LRP1: variants seen among roughly 807,000 people sequenced by gnomAD.
LRP1 encodes LDL receptor related protein 1.
A neutral mutation model predicts 541.5 loss-of-function variants in LRP1; 51 were observed. The ratio of observed to expected loss-of-function variants is 0.09; its 90% confidence interval spans 0.08 to 0.12. The LOEUF (loss-of-function observed/expected upper bound fraction) is 0.12. Among genes scored for constraint, LRP1 ranks in the 10% least tolerant of loss-of-function variants. The pLI, the probability that LRP1 is intolerant of heterozygous loss-of-function variation, is 1.00. For synonymous variants in LRP1, 2,219 were observed against 2,470.8 expected (o/e 0.90, Z 3.02); for missense variants, 3,878 against 6,376.2 (o/e 0.61, Z 13.34).
chr12:57,128,841 A>G lies in LRP1; in HGVS notation c.-124A>G. On this transcript the variant is annotated 5_prime_UTR_variant, in exon 1 of 89. Coordinates refer to ENST00000243077, the MANE Select transcript of LRP1 (RefSeq NM_002332.3). ...CCCCTGGTGCGCTTTGCCGAAGGAA[A>G]GAATAAGAACAGAGAAGGAGGAGGG... 3 of 816,238 alleles carry G rather than the reference A, an allele frequency of 3.7e-6. No individual in the cohort carries two copies. The highest frequency in any genetic ancestry group is 5.7e-6 in the Non-Finnish European group (3 of 530,854). The allele number at this position is 816,238 out of a possible 1,614,324, so 50.6% of individuals were successfully genotyped here. A position where few individuals can be genotyped will look rare whatever the true frequency, so the allele number is the denominator to read the frequency against.
rs1177867009 is a variant in LRP1, at chr12:57,158,784, G to C, written c.1798+146G>C. ...ATGGAGATGAGGGGATAGACAGATT[G>C]ACCCCTGTGTGACCCCCTTCTTGGC... is the stretch of plus-strand genomic sequence containing the variant. On this transcript the variant is annotated intron_variant, in intron 11 of 88. Transcript: ENST00000243077. This position sits in a 1 kb window ranked among gnomAD's most constrained non-coding sequence, Gnocchi z 5.3. 1 of 773,056 alleles carries C rather than the reference G, an allele frequency of 1.3e-6. No individual in the cohort carries two copies. Among genetic ancestry groups the C allele is most frequent in the Non-Finnish European group, 2.1e-6 (1 of 470,964 alleles). The allele number at this position is 773,056 out of a possible 1,614,324, so 47.9% of individuals were successfully genotyped here.
chr12:57,157,046 C>T, intron 10 of LRP1, 126 bp downstream of exon 10: 1 of 1,206,030 alleles, frequency 8.3e-7, no homozygotes, highest in East Asian at 2.6e-5. Flanking sequence ...CAGAGTGTAC[C>T]TGCTAGTGAG....
Position 57,185,819 on chromosome 12 carries a change from C to T in LRP1, c.6752C>T (p.Thr2251Ile). ...TACCGGGCAGGCACCTCTCCGGGCACCCCCAATCGCATCTTCTTCAGCGAC... is the reference window on the plus strand; with the variant it reads ...TACCGGGCAGGCACCTCTCCGGGCATCCCCAATCGCATCTTCTTCAGCGAC... ...FDYRAGTSPG[T>I]PNRIFFSDIH... Residue 2251 changes from threonine to isoleucine, a missense_variant, in exon 41 of 89, where the codon ACC becomes ATC. Physicochemically the swap from Thr to Ile is moderately conservative, Grantham distance 89 (BLOSUM62 -1). This residue lies in a region of LRP1 where 1,100 missense variants were observed against 1,827.4 expected (regional missense o/e 0.60). Coordinates refer to ENST00000243077, the MANE Select transcript of LRP1 (RefSeq NM_002332.3). The surrounding 1 kb of genome is among the most constrained non-coding windows in gnomAD (Gnocchi z 4.9). 6.2e-7 allele frequency: 1 copy of T among 1,614,158 alleles called. No individual in the cohort carries two copies. The highest frequency in any genetic ancestry group is 1.1e-5 in the South Asian group (1 of 91,074).
At chr12:57,194,957 A>G (rs2036497937) in intron 50 of LRP1, 28 bp from the exon 51 acceptor site, 2 of 1,582,066 alleles carry the variant, frequency 1.3e-6, no homozygotes, top group South Asian at 1.1e-5. Context: ...ACCCTTCCCC[A>G]TCTAACTGTG....
chr12:57,155,795 G>GT (rs2035606421), intron 8 of LRP1, among the ~76,000 whole-genome samples: 1 of 151,950 alleles, frequency 6.6e-6, no homozygotes, highest in South Asian at 2.1e-4. Flanking sequence ...CACAAAATTT[G>GT]TTTTAATTAG....
chr12:57,199,817 T>A, intron 61 of LRP1, 60 bp from the exon 62 acceptor site: 1 of 1,535,396 alleles, frequency 6.5e-7, no homozygotes, highest in Non-Finnish European at 8.8e-7. Flanking sequence ...ATAGAGTGAG[T>A]GAGGCAGCCT....
chr12:57,188,298 A>AT (rs1466330975), intron 42 of LRP1, among the ~76,000 whole-genome samples: 7 of 152,114 alleles, frequency 4.6e-5, no homozygotes, highest in Admixed American at 1.3e-4. Context: ...TGTTAGCAAC[A>AT]TTTTTTTCCC....
At position 57,162,514 on chromosome 12, in the gene LRP1, G is replaced by A; in HGVS notation, c.2400G>A (p.Gln800=). The A allele has an allele frequency of 1.2e-6, 2 of 1,613,736 alleles. No individual in the cohort carries two copies. The part of the protein sequence containing the change: ...FEIRMYDAQQ[Q]QVGTNKCRVN... ...TCCGAATGTATGATGCCCAGCAGCA[G>A]CAAGGTACCTCCTTGGGGCTGGGGG... The change falls in exon 14 of 89, where the codon CAG becomes CAA. Residue 800 remains glutamine (Q), a synonymous_variant. Transcript: ENST00000243077. This position sits in a 1 kb window ranked among gnomAD's most constrained non-coding sequence, Gnocchi z 5.2.
intron 76 of LRP1, 52 bp from the exon 77 acceptor site, chr12:57,207,985 GA>G: frequency 1.3e-6 from 2 of 1,586,754 alleles, no homozygotes; most frequent in Admixed American, 3.4e-5. Context: ...GTGGCGGGGG[GA>G]TAATGGCAGG....
In LRP1 at chr12:57,204,278, G is replaced by C; in HGVS notation, c.10952-132G>C. 1.8e-6 allele frequency: 2 copies of C among 1,111,510 alleles called. No homozygotes were observed. The highest frequency in any genetic ancestry group is 2.5e-6 in the Non-Finnish European group (2 of 808,266). 68.9% of individuals were successfully genotyped at this position (1,111,510 alleles called of 1,614,324 possible). A position where few individuals can be genotyped will look rare whatever the true frequency, so the allele number is the denominator to read the frequency against. ...TTGGCCCCACCAAGTAGAAATTTAA[G>C]AGACCTGGTTCCAATTTGGCTGTGC... On this transcript the variant is annotated intron_variant, in intron 70 of 88. Transcript: ENST00000243077. This position sits in a 1 kb window ranked among gnomAD's most constrained non-coding sequence, Gnocchi z 5.3.
chr12:57,165,548 C>T lies in LRP1; in HGVS notation c.2531-257C>T. 1 of 436,870 alleles carries T rather than the reference C, an allele frequency of 2.3e-6. No individual in the cohort carries two copies. Among genetic ancestry groups the T allele is most frequent in the Non-Finnish European group, 4.2e-6 (1 of 240,340 alleles). The allele number at this position is 436,870 out of a possible 1,614,324, so 27.1% of individuals were successfully genotyped here. A position where few individuals can be genotyped will look rare whatever the true frequency, so the allele number is the denominator to read the frequency against. On this transcript the variant is annotated intron_variant, in intron 15 of 88. Transcript: ENST00000243077. The surrounding 1 kb of genome is among the most constrained non-coding windows in gnomAD (Gnocchi z 4.5). ...GTGACAGAGGTATAGAGGCCATGGG[C>T]TCTCTTGGACACCATTTGATTCTCA... is the stretch of plus-strand genomic sequence containing the variant.
At chr12:57,200,908 G>A (rs1375861680) in intron 64 of LRP1, 93 bp downstream of exon 64, 17 of 1,436,034 alleles carry the variant, frequency 1.2e-5, no homozygotes, top group South Asian at 2.3e-5. Flanking sequence ...TGCAGCCCAC[G>A]GCAGCTTGCT....
chr12:57,141,177 C>T (rs1377796275), intron 2 of LRP1, among the ~76,000 whole-genome samples, 197 bp from the exon 3 acceptor site: 1 of 152,180 alleles, frequency 6.6e-6, no homozygotes, highest in African/African-American at 2.4e-5. Context: ...CTAGTTTCTA[C>T]CTCCACCTGT....
In LRP1 at chr12:57,205,172, G is replaced by A. The variant is rs774593658; in HGVS notation, c.11258G>A (p.Arg3753His). ...DKKEFLCRNQ[R>H]CLSSSLRCNM... ...AAGGAGTTTCTGTGCCGGAACCAGC[G>A]CTGCCTCTCCTCCTCCCTGCGCTGC... The change falls in exon 73 of 89, where the codon CGC becomes CAC. Residue 3753 changes from arginine (R) to histidine (H), a missense_variant. Physicochemically the swap from Arg to His is conservative, Grantham distance 29 (BLOSUM62 0). This residue lies in a region of LRP1 where 871 missense variants were observed against 1,212.4 expected (regional missense o/e 0.72). Transcript: ENST00000243077. The surrounding 1 kb of genome is among the most constrained non-coding windows in gnomAD (Gnocchi z 4.6). The A allele has an allele frequency of 8.7e-6, 14 of 1,613,818 alleles. No homozygotes were observed. The highest frequency in any genetic ancestry group is 3.3e-5 in the South Asian group (3 of 91,090).
At chr12:57,172,180 CT>C (rs905079634) in intron 20 of LRP1, among the ~76,000 whole-genome samples, 19 of 142,324 alleles carry the variant, frequency 1.3e-4, no homozygotes, top group African/African-American at 1.5e-4. Context: ...TCTTTTCTTT[CT>C]TTTTTTTTTG....
chr12:57,151,981 C>T (rs541262184), intron 6 of LRP1, among the ~76,000 whole-genome samples: 1 of 152,226 alleles, frequency 6.6e-6, no homozygotes, highest in East Asian at 1.9e-4. Context: ...CAGTTCTTGC[C>T]AACTCCTCAC....
Position 57,183,268 on chromosome 12 carries a change from G to C in LRP1, c.5663-111G>C. 1.7e-6 allele frequency: 2 copies of C among 1,210,136 alleles called. No homozygotes were observed. The highest frequency in any genetic ancestry group is 2.8e-5 in the South Asian group (2 of 71,836). 75.0% of individuals were successfully genotyped at this position (1,210,136 alleles called of 1,614,324 possible). A position where few individuals can be genotyped will look rare whatever the true frequency, so the allele number is the denominator to read the frequency against. Reference sequence around the variant, plus strand: ...GTGCTGGGTGGAGGATAGGGATGATGGTGGGGGGGGATGATATCAAAGGAG... The same window carrying C: ...GTGCTGGGTGGAGGATAGGGATGATCGTGGGGGGGGATGATATCAAAGGAG... On this transcript the variant is annotated intron_variant, in intron 34 of 88. Coordinates refer to ENST00000243077, the MANE Select transcript of LRP1 (RefSeq NM_002332.3). This position sits in a 1 kb window ranked among gnomAD's most constrained non-coding sequence, Gnocchi z 6.1.
intron 41 of LRP1, among the ~76,000 whole-genome samples, chr12:57,186,111 A>G (rs2036265887): frequency 6.6e-6 from 1 of 152,152 alleles, no homozygotes; most frequent in African/African-American, 2.4e-5. Context: ...CACTGGTCCT[A>G]GTTCTGCCTT....
At position 57,205,868 on chromosome 12, in the gene LRP1, G is replaced by A. The variant is rs1359331449; in HGVS notation, c.11590+191G>A. The A allele has an allele frequency of 1.1e-5, 9 of 805,546 alleles. No homozygotes were observed. Among genetic ancestry groups the A allele is most frequent in the Non-Finnish European group, 1.9e-6 (1 of 523,990 alleles). The allele number at this position is 805,546 out of a possible 1,614,324, so 49.9% of individuals were successfully genotyped here. A position where few individuals can be genotyped will look rare whatever the true frequency, so the allele number is the denominator to read the frequency against. The stretch of plus-strand genomic sequence containing the variant: ...GGGCAGGTCCTGGGGCTGGCTGACT[G>A]AAGGAGTCTGGGGTGTGGCAGTGCT... On this transcript the variant is annotated intron_variant, in intron 75 of 88. Coordinates refer to ENST00000243077, the MANE Select transcript of LRP1 (RefSeq NM_002332.3). The surrounding 1 kb of genome is among the most constrained non-coding windows in gnomAD (Gnocchi z 4.6).
Sources: gnomAD v4.1 joint callset for allele counts (sites outside exome capture counted in the v4.1 genomes callset) on GRCh38, gnomAD v4.1.1 for gene constraint, gnomAD v4.1.1 regional missense constraint, Gnocchi (gnomAD v3.1) non-coding constraint, MANE v1.5 for transcripts, NCBI Gene and HGNC (gene_info 2026-07-23, HGNC 2026-07-21) for gene names.